HERPUD2: variants seen among roughly 807,000 people sequenced by gnomAD.
The protein encoded by HERPUD2 is HERPUD family member 2.
Under a neutral mutation model 49.9 loss-of-function variants are expected in HERPUD2, and 13 were observed. The ratio of observed to expected loss-of-function variants is 0.26; its 90% confidence interval spans 0.17 to 0.41. The LOEUF (loss-of-function observed/expected upper bound fraction) is 0.41. HERPUD2 is among the 10% of genes least tolerant of loss of function. HERPUD2 has a pLI of 1.00. For synonymous variants in HERPUD2, 172 were observed against 171.4 expected (o/e 1.00, Z -0.03); for missense variants, 449 against 492.2 (o/e 0.91, Z 0.83).
At chr7:35,657,921 CAA>C (rs777981296) in intron 5 of HERPUD2, among the ~76,000 whole-genome samples, 3 of 129,096 alleles carry the variant, frequency 2.3e-5, no homozygotes, top group Admixed American at 8.0e-5. Context: ...GACTCTGTCT[CAA>C]AAAAAAAAAA....
At chr7:35,692,158 T>TCCC (rs1387458727) in intron 2 of HERPUD2, among the ~76,000 whole-genome samples, 1 of 152,198 alleles carries the variant, frequency 6.6e-6, no homozygotes, top group Non-Finnish European at 1.5e-5. Flanking sequence ...AGGAGTTCTG[T>TCCC]AACAGATCTC....
intron 4 of HERPUD2, 142 bp downstream of exon 4, chr7:35,670,073 G>T: frequency 2.1e-6 from 1 of 480,830 alleles, no homozygotes; most frequent in Non-Finnish European, 3.7e-6. Context: ...TTTACAAAAT[G>T]CCTAACTTTA....
chr7:35,672,285 A>T (rs190777782), intron 3 of HERPUD2, among the ~76,000 whole-genome samples: 2 of 151,708 alleles, frequency 1.3e-5, no homozygotes, highest in Admixed American at 1.3e-4. Context: ...AAAAAAGAGG[A>T]AAGAAAGAAA....
intron 1 of HERPUD2, 79 bp downstream of exon 1, chr7:35,694,722 G>C: frequency 9.3e-6 from 2 of 215,464 alleles, no homozygotes; most frequent in East Asian, 1.1e-4. Context: ...AACGCAACAA[G>C]GCCCCTACGC....
chr7:35,676,576 G>C (rs1272630826), intron 2 of HERPUD2, among the ~76,000 whole-genome samples: 2 of 152,152 alleles, frequency 1.3e-5, no homozygotes, highest in Non-Finnish European at 2.9e-5. Flanking sequence ...ATTTTAATGG[G>C]AAATGGTATC....
chr7:35,685,676 G>T (rs886776900), intron 2 of HERPUD2, among the ~76,000 whole-genome samples: 3 of 151,442 alleles, frequency 2.0e-5, no homozygotes, highest in African/African-American at 7.3e-5. Flanking sequence ...AAATATCAAT[G>T]AATTTAATTT....
chr7:35,666,422 C>T (rs1210810472), intron 5 of HERPUD2, among the ~76,000 whole-genome samples: 2 of 152,178 alleles, frequency 1.3e-5, no homozygotes, highest in East Asian at 1.9e-4. Context: ...GTGTTTATGC[C>T]GTCCTGTTGA....
At chr7:35,672,976 T>C (rs569959986) in intron 3 of HERPUD2, among the ~76,000 whole-genome samples, 5 of 151,936 alleles carry the variant, frequency 3.3e-5, no homozygotes, top group Non-Finnish European at 7.4e-5. Flanking sequence ...TGAACATGAA[T>C]ACATAATCGT....
intron 6 of HERPUD2, among the ~76,000 whole-genome samples, chr7:35,637,168 T>TAGAG (rs1472258595): frequency 1.0e-5 from 1 of 96,554 alleles, no homozygotes; most frequent in African/African-American, 4.3e-5. Context: ...GAAAGATAGA[T>TAGAG]AGATAGATAG....
chr7:35,665,794 CTTTTA>C (rs1785524919), intron 5 of HERPUD2, among the ~76,000 whole-genome samples: 2 of 152,114 alleles, frequency 1.3e-5, no homozygotes, highest in Non-Finnish European at 2.9e-5. Context: ...ATGCTTTTGT[CTTTTA>C]TGTTTATTAA....
At chr7:35,652,116 T>C (rs1785180469) in intron 5 of HERPUD2, among the ~76,000 whole-genome samples, 2 of 152,166 alleles carry the variant, frequency 1.3e-5, no homozygotes, top group Admixed American at 1.3e-4. Context: ...AAAATTTCTA[T>C]ACATTTCTGG....
chr7:35,677,829 T>C (rs1285980862), intron 2 of HERPUD2, among the ~76,000 whole-genome samples: 2 of 152,154 alleles, frequency 1.3e-5, no homozygotes, highest in African/African-American at 4.8e-5. Context: ...GGGTCTTGTG[T>C]AGAGGAGTTG....
chr7:35,670,107 C>T, intron 4 of HERPUD2, 108 bp downstream of exon 4: 1 of 511,182 alleles, frequency 2.0e-6, no homozygotes, highest in Non-Finnish European at 3.5e-6. Context: ...TCTCAAAATT[C>T]ACAAGCTCCA....
At chr7:35,657,261 T>C (rs936092529) in intron 5 of HERPUD2, among the ~76,000 whole-genome samples, 5 of 151,864 alleles carry the variant, frequency 3.3e-5, no homozygotes, top group African/African-American at 1.2e-4. Flanking sequence ...ATGAAAAAAA[T>C]GCTCAACATG....
chr7:35,635,521 T>A (rs994379293), intron 6 of HERPUD2, 63 bp from the exon 7 acceptor site: 8 of 1,375,584 alleles, frequency 5.8e-6, no homozygotes, highest in African/African-American at 1.5e-5. Context: ...CATATTTTTT[T>A]AAACTTCTTG....
intron 2 of HERPUD2, among the ~76,000 whole-genome samples, chr7:35,680,277 G>C (rs1001761623): frequency 1.3e-5 from 2 of 151,454 alleles, no homozygotes; most frequent in African/African-American, 4.9e-5. Context: ...GGTGTGGTAG[G>C]GCATGCTTGT....
chr7:35,662,453 C>G (rs1321210305), intron 5 of HERPUD2, among the ~76,000 whole-genome samples: 1 of 152,174 alleles, frequency 6.6e-6, no homozygotes, highest in Admixed American at 6.5e-5. Context: ...GGAATGGAAC[C>G]AGCCCCTCTT....
At position 35,633,819 on chromosome 7, in the gene HERPUD2, C is replaced by T; in HGVS notation, c.1092G>A (p.Glu364=). 6.2e-7 allele frequency: 1 copy of T among 1,613,998 alleles called. No homozygotes were observed. Among genetic ancestry groups the T allele is most frequent in the African/African-American group, 1.3e-5 (1 of 75,026 alleles). ...CATCTTCACCTCCATCTTCTCCACT[C>T]TCATCTTCAAGCCCATCATCCATAA... is the stretch of plus-strand genomic sequence containing the variant. ...ERLMDDGLED[E]SGEDGGEDAS... The change falls in exon 9 of 9, where the codon GAG becomes GAA. Residue 364 remains glutamate (E), a synonymous_variant. Coordinates refer to ENST00000311350, the MANE Select transcript of HERPUD2 (RefSeq NM_022373.5).
At chr7:35,636,907 T>G (rs1413311246) in intron 6 of HERPUD2, among the ~76,000 whole-genome samples, 1 of 152,128 alleles carries the variant, frequency 6.6e-6, no homozygotes, top group Non-Finnish European at 1.5e-5. Context: ...GGCAGGCAGA[T>G]GGATCCCTTG....
Sources: allele counts gnomAD v4.1 joint callset (sites outside exome capture counted in the v4.1 genomes callset), GRCh38; gene constraint gnomAD v4.1.1; transcripts MANE v1.5; gene names NCBI Gene and HGNC (gene_info 2026-07-23, HGNC 2026-07-21).